The following TRIM65 variants were observed in gnomAD, a reference collection of about 807,000 sequenced individuals.
TRIM65 encodes the protein tripartite motif containing 65, also known as E3 ubiquitin-protein ligase TRIM65.
Under a neutral mutation model 36.1 loss-of-function variants are expected in TRIM65, and 46 were observed. The ratio of observed to expected loss-of-function variants is 1.27; its 90% CI spans 1.01 to 1.63. TRIM65 has a LOEUF of 1.63. Ranked by LOEUF, TRIM65 falls within the 40% of genes most tolerant of loss-of-function variation. The probability of loss-of-function intolerance (pLI) is 0.00; values close to 1 mark genes in which losing one functional copy is unlikely to be tolerated. For missense variants in TRIM65, 708 were observed against 696.6 expected (o/e 1.02, Z -0.18); for synonymous variants, 346 against 313.6 (o/e 1.10, Z -1.09).
intron 4 of TRIM65, among the ~76,000 whole-genome samples, chr17:75,882,023 G>A (rs1444800950): frequency 6.7e-6 from 1 of 150,370 alleles, no homozygotes; most frequent in Non-Finnish European, 1.5e-5. Flanking sequence ...TTGGTGCCCA[G>A]GCTGCCTGGG....
chr17:75,893,721 G>C (rs2065305840), intron 1 of TRIM65, among the ~76,000 whole-genome samples: 1 of 152,078 alleles, frequency 6.6e-6, no homozygotes, highest in Admixed American at 6.5e-5. Flanking sequence ...CCAGCCTCCA[G>C]CATTTCACAC....
intron 4 of TRIM65, chr17:75,880,663 A>G (rs2143989154): frequency 6.6e-6 from 1 of 150,738 alleles, no homozygotes; most frequent in African/African-American, 2.5e-5. Context: ...AATGTTGGAG[A>G]GAGGCCCAGG....
Position 75,892,379 on chromosome 17 carries a change from G to C in TRIM65, c.632C>G (p.Ala211Gly). ...SIEVAKTQAL[A>G]QARDEEQRLR... Reference sequence around the variant, plus strand: ...CCGCTGCTCCTCGTCTCGAGCCTGTGCCAGCGCCTGCGTCTTGGCCACCTC... The same window carrying C: ...CCGCTGCTCCTCGTCTCGAGCCTGTCCCAGCGCCTGCGTCTTGGCCACCTC... The change falls in exon 3 of 6, where the codon GCA becomes GGA. Residue 211 changes from alanine (A) to glycine (G), a missense_variant. Physicochemically the swap from Ala to Gly is moderately conservative, Grantham distance 60. Transcript: ENST00000269383. The C allele has an allele frequency of 6.2e-7, 1 of 1,613,816 alleles. No individual in the cohort carries two copies. The highest frequency in any genetic ancestry group is 8.5e-7 in the Non-Finnish European group (1 of 1,179,968).
intron 2 of TRIM65, 126 bp downstream of exon 2, chr17:75,892,629 A>G: frequency 8.2e-7 from 1 of 1,226,098 alleles, no homozygotes; most frequent in Non-Finnish European, 1.1e-6. Flanking sequence ...GAACCTCCCC[A>G]GGACCCCTGT....
Position 75,890,636 on chromosome 17 carries a change from G to T in TRIM65, c.*143C>A. Reference sequence around the variant, plus strand: ...CTGCAACAGTGAACTCTGCGTTTATGCTCACCTCCCCCAACCTCCCATCTC... The same window carrying T: ...CTGCAACAGTGAACTCTGCGTTTATTCTCACCTCCCCCAACCTCCCATCTC... On this transcript the variant is annotated 3_prime_UTR_variant, in exon 6 of 6. Coordinates refer to ENST00000269383, the MANE Select transcript of TRIM65 (RefSeq NM_173547.4). The T allele has an allele frequency of 4.4e-6, 3 of 680,188 alleles. No homozygotes were observed. Among genetic ancestry groups the T allele is most frequent in the Non-Finnish European group, 4.6e-6 (2 of 430,372 alleles). 42.1% of individuals were successfully genotyped at this position (680,188 alleles called of 1,614,324 possible).
intron 4 of TRIM65, among the ~76,000 whole-genome samples, chr17:75,881,963 C>T (rs546455970): frequency 6.6e-6 from 1 of 150,450 alleles, no homozygotes; most frequent in Admixed American, 6.6e-5. Context: ...TTGCCAAGCC[C>T]CAGGAGCGGT....
At position 75,896,917 on chromosome 17, in the gene TRIM65, C is replaced by T; in HGVS notation, c.21G>A (p.Glu7=). The change falls in exon 1 of 6, where the codon GAG becomes GAA. Residue 7 remains glutamate, a synonymous_variant. Transcript: ENST00000269383. MAAQLL[E]EKLTCAICLG... is the part of the protein sequence containing the mutation. Reference sequence around the variant, plus strand: ...GGCAGATGGCGCAGGTCAGCTTCTCCTCCAGCAGCTGCGCGGCCATGGCCC... The same window carrying T: ...GGCAGATGGCGCAGGTCAGCTTCTCTTCCAGCAGCTGCGCGGCCATGGCCC... The T allele has an allele frequency of 6.6e-7, 1 of 1,506,052 alleles. No individual in the cohort carries two copies. The highest frequency in any genetic ancestry group is 8.8e-7 in the Non-Finnish European group (1 of 1,132,190). 93.3% of individuals were successfully genotyped at this position (1,506,052 alleles called of 1,614,324 possible). A position where few individuals can be genotyped will look rare whatever the true frequency, so the allele number is the denominator to read the frequency against.
intron 4 of TRIM65, among the ~76,000 whole-genome samples, chr17:75,880,968 G>C (rs897863707): frequency 2.7e-5 from 4 of 150,466 alleles, no homozygotes; most frequent in African/African-American, 7.5e-5. Flanking sequence ...CAAATGTGCC[G>C]GGTGTGGTGG....
At chr17:75,887,068 G>A (rs1340520792), downstream of TRIM65, among the ~76,000 whole-genome samples, 5 of 148,890 alleles carry the variant, frequency 3.4e-5, no homozygotes, top group East Asian at 2.0e-4. Context: ...GAGGCAGGAG[G>A]AGGAAGGATC....
In TRIM65 at chr17:75,891,160, T is replaced by A; in HGVS notation, c.1173A>T (p.Ser391=). ...AGACGCCCAGTGTCACCGAGTGGTC[T>A]GACGCGCGCACCTCCCAGTAGTGGT... ...AGHHYWEVRA[S]DHSVTLGVSY... is the part of the protein sequence containing the mutation. Residue 391 remains serine, a synonymous_variant, in exon 6 of 6, where the codon TCA becomes TCT. Coordinates refer to ENST00000269383, the MANE Select transcript of TRIM65 (RefSeq NM_173547.4). The A allele has an allele frequency of 6.2e-7, 1 of 1,609,140 alleles. No individual in the cohort carries two copies. The highest frequency in any genetic ancestry group is 1.3e-5 in the African/African-American group (1 of 75,044).
intron 1 of TRIM65, among the ~76,000 whole-genome samples, chr17:75,896,249 G>A (rs1420714474): frequency 2.0e-5 from 3 of 152,174 alleles, no homozygotes; most frequent in Admixed American, 6.5e-5. Context: ...TAGAGACCGG[G>A]TTTCACCGTG....
At chr17:75,882,989 A>ACC (rs200168942) in intron 4 of TRIM65, among the ~76,000 whole-genome samples, 1 of 149,586 alleles carries the variant, frequency 6.7e-6, no homozygotes, top group African/African-American at 2.5e-5. Context: ...GGAAAAAAAA[A>ACC]AAACAAAAAC....
At position 75,891,248 on chromosome 17, in the gene TRIM65, G is replaced by C. The variant is rs755307662; in HGVS notation, c.1085C>G (p.Pro362Arg). Reference protein sequence around the residue: ...QVKHCRQSRGPGGPGSFELWQ... With the variant: ...QVKHCRQSRGRGGPGSFELWQ... ...GAGCTCAAAGCTGCCGGGCCCGCCT[G>C]GGCCCCGGGACTGACGACAGTGCTT... Residue 362 changes from proline (P) to arginine (R), a missense_variant, in exon 6 of 6, where the codon CCA (proline) becomes CGA (arginine). Coordinates refer to ENST00000269383, the MANE Select transcript of TRIM65 (RefSeq NM_173547.4). 6.2e-7 allele frequency: 1 copy of C among 1,612,914 alleles called. No homozygotes were observed. Among genetic ancestry groups the C allele is most frequent in the Admixed American group, 1.7e-5 (1 of 60,014 alleles).
downstream of TRIM65, among the ~76,000 whole-genome samples, chr17:75,886,466 G>A (rs2065207685): frequency 6.8e-6 from 1 of 147,200 alleles, no homozygotes; most frequent in South Asian, 2.2e-4. Flanking sequence ...AGCTTGCAGT[G>A]AGCCGAGATT....
In TRIM65 at chr17:75,890,864, C is replaced by G; in HGVS notation, c.1469G>C (p.Trp490Ser). The stretch of plus-strand genomic sequence containing the variant: ...GGTCAGGGTCCTACCCTCGAGGAGC[C>G]AGAAGACGGGGGTGAGGGGCTGGTT... Reference protein sequence around the residue: ...LFNQPLTPVFWLLEGRTLTLC... With the variant: ...LFNQPLTPVFSLLEGRTLTLC... Residue 490 changes from tryptophan to serine, a missense_variant, in exon 6 of 6, where the codon TGG becomes TCG. Coordinates refer to ENST00000269383, the MANE Select transcript of TRIM65 (RefSeq NM_173547.4). 6.5e-7 allele frequency: 1 copy of G among 1,527,868 alleles called. No homozygotes were observed. The highest frequency in any genetic ancestry group is 8.8e-7 in the Non-Finnish European group (1 of 1,141,258). The allele number at this position is 1,527,868 out of a possible 1,614,324, so 94.6% of individuals were successfully genotyped here.
At chr17:75,894,069 T>TC (rs1405740477) in intron 1 of TRIM65, among the ~76,000 whole-genome samples, 2 of 152,180 alleles carry the variant, frequency 1.3e-5, no homozygotes, top group African/African-American at 4.8e-5. Context: ...CCTGGCCCTG[T>TC]CACCAGCTCT....
chr17:75,891,436 G>T, intron 5 of TRIM65, 89 bp from the exon 6 acceptor site: 2 of 1,377,828 alleles, frequency 1.5e-6, no homozygotes, highest in Non-Finnish European at 2.0e-6. Flanking sequence ...CGCCAGGCAC[G>T]CTGAGCACCG....
At chr17:75,895,794 T>C (rs980100691) in intron 1 of TRIM65, among the ~76,000 whole-genome samples, 1 of 152,222 alleles carries the variant, frequency 6.6e-6, no homozygotes, top group Non-Finnish European at 1.5e-5. Context: ...TCTAAGTCTC[T>C]TAAGGGCAGG....
chr17:75,895,308 T>TTCGG (rs572994731), intron 1 of TRIM65, among the ~76,000 whole-genome samples: 244 of 152,220 alleles, frequency 1.6e-3, no homozygotes, highest in Non-Finnish European at 2.4e-3. Context: ...TCCTACCCGA[T>TTCGG]TCGGGTCTTA....
Sources: gnomAD v4.1 joint callset for allele counts (sites outside exome capture counted in the v4.1 genomes callset) on GRCh38, gnomAD v4.1.1 for gene constraint, MANE v1.5 for transcripts, NCBI Gene and HGNC (gene_info 2026-07-23, HGNC 2026-07-21) for gene names.